The following CFAP299 variants were observed in gnomAD, a reference collection of about 807,000 sequenced individuals.
The protein encoded by CFAP299 is cilia- and flagella-associated protein 299.
A neutral mutation model predicts 27.0 loss-of-function variants in CFAP299; 21 were observed. The ratio of observed to expected loss-of-function variants is 0.78; its 90% CI spans 0.55 to 1.12. The LOEUF is 1.12. CFAP299 is among the 50% of genes most tolerant of loss of function. The pLI is 0.00. For synonymous variants in CFAP299, 104 were observed against 98.1 expected, an observed-to-expected ratio of 1.06 and a Z score of -0.36; for missense variants, 310 against 276.6, an observed-to-expected ratio of 1.12 and a Z score of -0.86.
intron 3 of CFAP299, among the ~76,000 whole-genome samples, chr4:80,682,233 C>T (rs1719887462): frequency 6.6e-6 from 1 of 152,020 alleles, no homozygotes; most frequent in Admixed American, 6.6e-5. Flanking sequence ...CTTAAAAGCC[C>T]AGTGTGTTCT....
chr4:80,627,179 AG>A (rs1406750363), intron 3 of CFAP299, among the ~76,000 whole-genome samples: 2 of 151,992 alleles, frequency 1.3e-5, no homozygotes, highest in Admixed American at 1.3e-4. Flanking sequence ...CAGTGATGCA[AG>A]GATGGTCCTA....
intron 3 of CFAP299, among the ~76,000 whole-genome samples, chr4:80,688,252 A>T (rs1431768779): frequency 1.3e-5 from 2 of 152,200 alleles, no homozygotes; most frequent in Non-Finnish European, 2.9e-5. Flanking sequence ...CAGACAAACA[A>T]AAAGACAGCA....
chr4:80,750,928 T>C (rs532776544), intron 3 of CFAP299, among the ~76,000 whole-genome samples: 2 of 152,284 alleles, frequency 1.3e-5, no homozygotes, highest in South Asian at 2.1e-4. Flanking sequence ...CATTTTATCA[T>C]GATTCTTAGC....
intron 3 of CFAP299, among the ~76,000 whole-genome samples, chr4:80,642,493 T>C (rs1203941150): frequency 1.3e-5 from 2 of 152,220 alleles, no homozygotes; most frequent in Non-Finnish European, 2.9e-5. Context: ...TGGCCAGGCG[T>C]GGTGGCTCAC....
intron 3 of CFAP299, among the ~76,000 whole-genome samples, chr4:80,681,793 A>G (rs936505040): frequency 3.3e-4 from 50 of 152,330 alleles, no homozygotes; most frequent in African/African-American, 1.2e-3. Context: ...TTCTAAGCCC[A>G]TGAATACTTT....
At chr4:80,655,070 C>G (rs1247460544) in intron 3 of CFAP299, among the ~76,000 whole-genome samples, 4 of 151,892 alleles carry the variant, frequency 2.6e-5, no homozygotes, top group Non-Finnish European at 5.9e-5. Context: ...AGGGCGATGC[C>G]AGTTAATTAA....
intron 4 of CFAP299, among the ~76,000 whole-genome samples, chr4:80,930,488 G>T (rs907456517): frequency 2.0e-5 from 3 of 152,068 alleles, no homozygotes; most frequent in African/African-American, 7.2e-5. Flanking sequence ...TGGGCGGAGC[G>T]GTCTTGAGGA....
intron 3 of CFAP299, among the ~76,000 whole-genome samples, chr4:80,779,832 A>C (rs1744439182): frequency 6.6e-6 from 1 of 152,046 alleles, no homozygotes; most frequent in Non-Finnish European, 1.5e-5. Flanking sequence ...TTATTTGTAC[A>C]TAAAATGATA....
At chr4:80,712,216 A>G (rs772047598) in intron 3 of CFAP299, among the ~76,000 whole-genome samples, 1 of 152,196 alleles carries the variant, frequency 6.6e-6, no homozygotes, top group Non-Finnish European at 1.5e-5. Context: ...TCCAACAGCC[A>G]TACTCTCCTC....
At chr4:80,331,084 C>T (rs1341309076), upstream of CFAP299, among the ~76,000 whole-genome samples, 5 of 152,112 alleles carry the variant, frequency 3.3e-5, no homozygotes, top group Non-Finnish European at 7.3e-5. Flanking sequence ...GATCTCTATA[C>T]CGAGATCTAT....
chr4:80,380,749 G>A (rs965255246), intron 2 of CFAP299, among the ~76,000 whole-genome samples: 32 of 152,054 alleles, frequency 2.1e-4, no homozygotes, highest in Admixed American at 8.5e-4. Context: ...TCTTACTTCA[G>A]CTGTCTGCCT....
At chr4:80,809,647 A>G (rs1374569424) in intron 3 of CFAP299, among the ~76,000 whole-genome samples, 2 of 152,034 alleles carry the variant, frequency 1.3e-5, no homozygotes, top group East Asian at 3.9e-4. Context: ...TATTCTGAAC[A>G]CTAGTCATTG....
chr4:80,634,549 T>C (rs1428738779), intron 3 of CFAP299, among the ~76,000 whole-genome samples: 2 of 152,210 alleles, frequency 1.3e-5, no homozygotes, highest in Non-Finnish European at 2.9e-5. Flanking sequence ...ACTATGCTAA[T>C]GTTTAGCTAT....
chr4:80,793,682 T>C (rs1727698530), intron 3 of CFAP299, among the ~76,000 whole-genome samples: 2 of 152,214 alleles, frequency 1.3e-5, no homozygotes, highest in South Asian at 4.1e-4. Context: ...AAAGTTAACA[T>C]CACTTAAATG....
intron 2 of CFAP299, among the ~76,000 whole-genome samples, chr4:80,570,840 A>C (rs1178619508): frequency 6.6e-6 from 1 of 152,180 alleles, no homozygotes; most frequent in Non-Finnish European, 1.5e-5. Flanking sequence ...AGGATAAATA[A>C]ATGGTTGTAT....
At chr4:80,897,843 A>G (rs1379503224) in intron 4 of CFAP299, among the ~76,000 whole-genome samples, 1 of 152,176 alleles carries the variant, frequency 6.6e-6, no homozygotes, top group Non-Finnish European at 1.5e-5. Context: ...CTGATTAGAG[A>G]AAACTAAATT....
chr4:80,772,490 T>G (rs1002861064), intron 3 of CFAP299, among the ~76,000 whole-genome samples: 2 of 152,154 alleles, frequency 1.3e-5, no homozygotes, highest in Non-Finnish European at 2.9e-5. Context: ...GAATCTCATA[T>G]GTAATTAGAT....
intron 4 of CFAP299, among the ~76,000 whole-genome samples, chr4:80,899,951 G>T (rs1224493427): frequency 6.6e-6 from 1 of 152,144 alleles, no homozygotes; most frequent in Non-Finnish European, 1.5e-5. Context: ...TCTGGAAATA[G>T]GTAAAACATT....
chr4:80,799,855 A>AT (rs1728263863), intron 3 of CFAP299, among the ~76,000 whole-genome samples: 5 of 33,008 alleles, frequency 1.5e-4, no homozygotes, highest in African/African-American at 8.2e-4. Context: ...TATAATATAT[A>AT]AATATATATT....
Sources: allele counts gnomAD v4.1 joint callset (sites outside exome capture counted in the v4.1 genomes callset), GRCh38; gene constraint gnomAD v4.1.1; transcripts MANE v1.5; gene names NCBI Gene and HGNC (gene_info 2026-07-23, HGNC 2026-07-21).